CCDC180: variants seen among roughly 807,000 people sequenced by gnomAD.
The protein encoded by CCDC180 is coiled-coil domain containing 180, also known as coiled-coil domain-containing protein 180.
CCDC180 carries 154 observed loss-of-function variants against 209.2 expected under a neutral mutation model. That is an observed-to-expected ratio of 0.74 (90% CI 0.65 to 0.84). The LOEUF is 0.84. CCDC180 is among the 40% of genes least tolerant of loss of function. The pLI is 0.00. For missense variants in CCDC180, 1,874 were observed against 1,997.3 expected (o/e 0.94, Z 1.18); for synonymous variants, 778 against 749.1 (o/e 1.04, Z -0.63).
intron 24 of CCDC180, among the ~76,000 whole-genome samples, chr9:97,355,768 G>A (rs1564170205): frequency 6.6e-6 from 1 of 152,190 alleles, no homozygotes; most frequent in African/African-American, 2.4e-5. Context: ...GGGGCCAGAG[G>A]ACTTAACCTG....
chr9:97,364,025 A>ACCAC, intron 28 of CCDC180, 26 bp from the exon 29 acceptor site: 1 of 1,611,116 alleles, frequency 6.2e-7, no homozygotes, highest in Non-Finnish European at 8.5e-7. Flanking sequence ...CAGCCTCCAG[A>ACCAC]CCACCCACCC....
chr9:97,360,292 C>G (rs116652930), intron 26 of CCDC180, among the ~76,000 whole-genome samples, 191 bp downstream of exon 26: 1 of 152,082 alleles, frequency 6.6e-6, no homozygotes, highest in Non-Finnish European at 1.5e-5. Context: ...CCCCAGGGGG[C>G]CACTTCCTTG....
In CCDC180 at chr9:97,325,083, AG is replaced by A; in HGVS notation, c.1438del (p.Glu480ArgfsTer49). 1.2e-6 allele frequency: 2 copies of A among 1,614,046 alleles called. No individual in the cohort carries two copies. Among genetic ancestry groups the A allele is most frequent in the African/African-American group, 2.7e-5 (2 of 75,046 alleles). Reference sequence around the variant, plus strand: ...AGTTCACACCTCTTCAAGTATTTCCAGGAGGTGGTACAACTGTGGGAGGCAC... The same window carrying A: ...AGTTCACACCTCTTCAAGTATTTCCAGAGGTGGTACAACTGTGGGAGGCAC... ...WQSSHLFKYF[Q>X]EVVQLWEAHQ... On this transcript the variant is annotated frameshift_variant, in exon 14 of 37. Coordinates refer to ENST00000529487, the MANE Select transcript of CCDC180 (RefSeq NM_020893.6). LOFTEE classifies it high-confidence loss of function.
At chr9:97,359,352 G>A (rs1290877994) in intron 25 of CCDC180, among the ~76,000 whole-genome samples, 1 of 152,112 alleles carries the variant, frequency 6.6e-6, no homozygotes, top group Admixed American at 6.5e-5. Context: ...TCCCAGCCAG[G>A]TGAGGATCAT....
rs755023898 is a variant in CCDC180, at chr9:97,326,611, G to C, written c.1603G>C (p.Glu535Gln). 3.1e-6 allele frequency: 5 copies of C among 1,614,024 alleles called. No individual in the cohort carries two copies. The Admixed American group carries it at 8.3e-5, about 27-fold the overall frequency. ...LDQLRQQSDK[E>Q]TLAFHLEKVK... ...CCAACTGAGGCAGCAAAGTGACAAA[G>C]AAACACTGGCGTTTCACCTGGAAAA... Residue 535 changes from glutamate (E) to glutamine (Q), a missense_variant, in exon 15 of 37, where the codon GAA becomes CAA. Transcript: ENST00000529487.
intron 36 of CCDC180, chr9:97,376,474 A>G (rs1044430171): frequency 3.4e-5 from 10 of 291,296 alleles, no homozygotes; most frequent in African/African-American, 1.5e-4. Flanking sequence ...GACAGAGCTC[A>G]GGAAGGAGTG....
intron 18 of CCDC180, among the ~76,000 whole-genome samples, chr9:97,338,763 C>A (rs1348030686): frequency 1.3e-5 from 2 of 152,080 alleles, no homozygotes; most frequent in Non-Finnish European, 2.9e-5. Flanking sequence ...TGGGGTGTTA[C>A]AGTCTCCCAT....
chr9:97,362,096 G>T, intron 27 of CCDC180, 100 bp from the exon 28 acceptor site: 1 of 1,489,976 alleles, frequency 6.7e-7, no homozygotes, highest in South Asian at 1.3e-5. Context: ...AGGACTGACT[G>T]ACGTGGCGCT....
In CCDC180 at chr9:97,366,640, A is replaced by G; in HGVS notation, c.4129A>G (p.Ser1377Gly). Residue 1377 changes from serine (S) to glycine (G), a missense_variant, in exon 31 of 37, where the codon AGC (serine) becomes GGC (glycine). By Grantham distance (56) the Ser-to-Gly change is moderately conservative (BLOSUM62 0). Transcript: ENST00000529487. This position sits in a 1 kb window ranked among gnomAD's most constrained non-coding sequence, Gnocchi z 4.3. ...DTFDQCAENI[S>G]KKILEYQSQA... ...CTTTGACCAGTGCGCCGAGAACATT[A>G]GCAAAAAGATCCTGGAGTATCAGAG... 1.2e-6 allele frequency: 2 copies of G among 1,614,202 alleles called. No homozygotes were observed. Among genetic ancestry groups the G allele is most frequent in the Non-Finnish European group, 1.7e-6 (2 of 1,180,026 alleles).
chr9:97,319,754 T>A (rs1282502509), intron 10 of CCDC180, among the ~76,000 whole-genome samples: 1 of 152,234 alleles, frequency 6.6e-6, no homozygotes, highest in African/African-American at 2.4e-5. Flanking sequence ...TAAATCATCA[T>A]GTGTGTTTAT....
intron 19 of CCDC180, among the ~76,000 whole-genome samples, chr9:97,346,327 A>G (rs772017027): frequency 3.3e-5 from 5 of 152,192 alleles, no homozygotes; most frequent in Non-Finnish European, 7.3e-5. Context: ...TCAAGTTTCC[A>G]TAAGACATCT....
At chr9:97,325,374 A>G (rs1427206960) in intron 14 of CCDC180, among the ~76,000 whole-genome samples, 182 bp downstream of exon 14, 1 of 152,202 alleles carries the variant, frequency 6.6e-6, no homozygotes, top group Middle Eastern at 3.2e-3. Context: ...ATGTGTCTCT[A>G]AGAGCATGCA....
chr9:97,307,484 G>A, upstream of CCDC180: 1 of 597,238 alleles, frequency 1.7e-6, no homozygotes, highest in East Asian at 2.9e-5. Flanking sequence ...GCTAGGGAGG[G>A]GGATGGCAGA....
intron 28 of CCDC180, chr9:97,363,419 T>A (rs964064286): frequency 3.5e-6 from 1 of 287,926 alleles, no homozygotes; most frequent in Non-Finnish European, 7.5e-6. Context: ...GGTGGCCTTC[T>A]GGGTAGGTTG....
chr9:97,353,139 G>C (rs973583207), intron 22 of CCDC180, among the ~76,000 whole-genome samples: 6 of 152,128 alleles, frequency 3.9e-5, no homozygotes, highest in African/African-American at 1.4e-4. Flanking sequence ...TGGGACTAGA[G>C]GCATGTGCCA....
At chr9:97,340,303 C>G (rs568185246) in intron 18 of CCDC180, among the ~76,000 whole-genome samples, 2 of 152,230 alleles carry the variant, frequency 1.3e-5, no homozygotes, top group South Asian at 4.1e-4. Flanking sequence ...TGGTTTTTAT[C>G]TACCTTTGGT....
intron 36 of CCDC180, chr9:97,376,010 A>C (rs1289320594): frequency 1.1e-5 from 2 of 187,828 alleles, no homozygotes; most frequent in Admixed American, 5.4e-5. Flanking sequence ...TCTTGACATG[A>C]GGCATCTCAC....
At chr9:97,331,277 C>G (rs766149933) in intron 18 of CCDC180, among the ~76,000 whole-genome samples, 4 of 152,094 alleles carry the variant, frequency 2.6e-5, no homozygotes, top group African/African-American at 9.7e-5. Context: ...GCATAGTATC[C>G]CATGGTTTAT....
At chr9:97,324,616 A>G (rs556750056) in intron 13 of CCDC180, among the ~76,000 whole-genome samples, 1 of 152,166 alleles carries the variant, frequency 6.6e-6, no homozygotes, top group Non-Finnish European at 1.5e-5. Flanking sequence ...AGGATTTCAC[A>G]GCAGGTGTGG....
Sources: allele counts gnomAD v4.1 joint callset (sites outside exome capture counted in the v4.1 genomes callset), GRCh38; gene constraint gnomAD v4.1.1; non-coding constraint Gnocchi (gnomAD v3.1); transcripts MANE v1.5; gene names NCBI Gene and HGNC (gene_info 2026-07-23, HGNC 2026-07-21).